The following LTBP4 variants were observed in gnomAD, a reference collection of about 807,000 sequenced individuals.
The protein encoded by LTBP4 is latent-transforming growth factor beta-binding protein 4.
LTBP4 carries 93 observed loss-of-function variants against 180.2 expected under a neutral mutation model. The observed-to-expected ratio is 0.52, with a 90% CI of 0.44 to 0.61. The LOEUF is 0.61. LTBP4 is among the 20% of genes least tolerant of loss of function. LTBP4 has a pLI of 0.00. For synonymous variants in LTBP4, 947 were observed against 934.5 expected (o/e 1.01, Z -0.24); for missense variants, 2,116 against 2,256.5 (o/e 0.94, Z 1.26).
rs764831513 is a variant in LTBP4 at position 40,623,698 on chromosome 19, C to T, written c.3651C>T (p.Gly1217=). ...GCTACTCATGCTATTGCAGCAACGGCTACTACTACCACACACAGCGGCTGG... is the reference window on the plus strand; with the variant it reads ...GCTACTCATGCTATTGCAGCAACGGTTACTACTACCACACACAGCGGCTGG... ...APGYSCYCSN[G]YYYHTQRLEC... The change falls in exon 25 of 30, where the codon GGC becomes GGT. Residue 1217 remains glycine, a synonymous_variant. Coordinates refer to ENST00000396819, the MANE Select transcript of LTBP4 (RefSeq NM_001042545.2). The T allele has an allele frequency of 2.0e-5, 33 of 1,613,834 alleles. No individual in the cohort carries two copies. The highest frequency in any genetic ancestry group is 2.7e-5 in the Non-Finnish European group (32 of 1,179,892).
chr19:40,611,177 A>T lies in LTBP4; in HGVS notation c.1836A>T (p.Pro612=). 6.2e-7 allele frequency: 1 copy of T among 1,613,378 alleles called. No homozygotes were observed. Among genetic ancestry groups the T allele is most frequent in the South Asian group, 1.1e-5 (1 of 91,040 alleles). ...ATGTGGATGAATGCACCCAGAGCCC[A>T]GGCCTGTGTGGCCGAGGGGCCTGCA... ...CQDVDECTQS[P]GLCGRGACKN... Residue 612 remains proline, a synonymous_variant, in exon 13 of 30, where the codon CCA becomes CCT. Coordinates refer to ENST00000396819, the MANE Select transcript of LTBP4 (RefSeq NM_001042545.2). This position sits in a 1 kb window ranked among gnomAD's most constrained non-coding sequence, Gnocchi z 4.4.
At chr19:40,600,693 C>A (rs1453451202), upstream of LTBP4, among the ~76,000 whole-genome samples, 3 of 152,108 alleles carry the variant, frequency 2.0e-5, no homozygotes, top group East Asian at 5.8e-4. The surrounding 1 kb of genome is among the most constrained non-coding windows in gnomAD (Gnocchi z 4.4). Context: ...AGATGTGACC[C>A]CTCCCCCTAA....
Position 40,605,701 on chromosome 19 carries a change from G to A in LTBP4, c.691-28G>A. 1 of 1,547,432 alleles carries A rather than the reference G, an allele frequency of 6.5e-7. No individual in the cohort carries two copies. Among genetic ancestry groups the A allele is most frequent in the Non-Finnish European group, 8.7e-7 (1 of 1,146,264 alleles). On this transcript the variant is annotated intron_variant, in intron 3 of 29. Transcript: ENST00000396819. This position sits in a 1 kb window ranked among gnomAD's most constrained non-coding sequence, Gnocchi z 5.5. ...GGCCCGGAGCTTGCCTCCGCGCGGG[G>A]GCGCGCTCACCCAACACTTCCCCGC...
At chr19:40,600,530 T>G (rs995796464), upstream of LTBP4, among the ~76,000 whole-genome samples, 2 of 152,200 alleles carry the variant, frequency 1.3e-5, no homozygotes, top group African/African-American at 2.4e-5. This position sits in a 1 kb window ranked among gnomAD's most constrained non-coding sequence, Gnocchi z 4.4. Flanking sequence ...CACCAAATGC[T>G]CAAGATTGTG....
At chr19:40,621,893 ATG>A (rs1568412271) in intron 22 of LTBP4, among the ~76,000 whole-genome samples, 1 of 152,098 alleles carries the variant, frequency 6.6e-6, no homozygotes, top group East Asian at 1.9e-4. Context: ...GATTACAGGC[ATG>A]CGCCACCACA....
chr19:40,629,748 C>T lies in LTBP4; in HGVS notation c.*198C>T, dbSNP rs2146057082. ...TCCCACTGATGTCGTGGTCCCGGGCCTGGCCCAGGGGCCCCTTTACATGCC... is the reference window on the plus strand; with the variant it reads ...TCCCACTGATGTCGTGGTCCCGGGCTTGGCCCAGGGGCCCCTTTACATGCC... On this transcript the variant is annotated 3_prime_UTR_variant, in exon 30 of 30. Coordinates refer to ENST00000396819, the MANE Select transcript of LTBP4 (RefSeq NM_001042545.2). This position sits in a 1 kb window ranked among gnomAD's most constrained non-coding sequence, Gnocchi z 4.5. The T allele has an allele frequency of 2.2e-6, 1 of 454,312 alleles. No individual in the cohort carries two copies. The highest frequency in any genetic ancestry group is 3.5e-6 in the Non-Finnish European group (1 of 286,524). The allele number at this position is 454,312 out of a possible 1,614,324, so 28.1% of individuals were successfully genotyped here. A position where few individuals can be genotyped will look rare whatever the true frequency, so the allele number is the denominator to read the frequency against.
upstream of LTBP4, among the ~76,000 whole-genome samples, chr19:40,596,511 C>G (rs1389362089): frequency 6.8e-6 from 1 of 147,066 alleles, no homozygotes; most frequent in African/African-American, 2.6e-5. Context: ...CCAGGAGCAC[C>G]CTGGGAGCAG....
chr19:40,619,000 T>G (rs1455369258), intron 21 of LTBP4, among the ~76,000 whole-genome samples: 1 of 151,864 alleles, frequency 6.6e-6, no homozygotes, highest in Non-Finnish European at 1.5e-5. Context: ...AAAGGGAGGT[T>G]TTTTTTTCAA....
rs113473882 is a variant in LTBP4, at chr19:40,618,250, T to C, written c.3070+1025T>C. The stretch of plus-strand genomic sequence containing the variant: ...GCCCAGCTAATGTTTTTAATTTTTG[T>C]AGAGATGAGTTTTTTTTTTTTTTTT... On this transcript the variant is annotated intron_variant, in intron 21 of 29. Coordinates refer to ENST00000396819, the MANE Select transcript of LTBP4 (RefSeq NM_001042545.2). Among the ~76,000 whole-genome samples the C allele has an allele frequency of 6.5e-3, 990 of 151,426 alleles. 10 individuals carry two copies. Among genetic ancestry groups the C allele is most frequent in the Non-Finnish European group, 9.5e-3 (645 of 67,864 alleles).
intron 18 of LTBP4, 87 bp from the exon 19 acceptor site, chr19:40,614,228 C>G: frequency 6.6e-7 from 1 of 1,522,946 alleles, no homozygotes; most frequent in Admixed American, 1.7e-5. Flanking sequence ...TCCCCGGCCT[C>G]CCCCTTCTGA....
At chr19:40,612,317 TG>T in intron 15 of LTBP4, 125 bp downstream of exon 15, 2 of 1,294,756 alleles carry the variant, frequency 1.5e-6, no homozygotes, top group Non-Finnish European at 2.1e-6. Context: ...CCCCAGAGCC[TG>T]TGACTCCTGA....
At chr19:40,599,475 G>A (rs751975964), upstream of LTBP4, 2 of 1,613,720 alleles carry the variant, frequency 1.2e-6, no homozygotes, top group Middle Eastern at 1.6e-4. Flanking sequence ...CCCCAGCGGT[G>A]CCTGAACCCA....
In LTBP4 at chr19:40,607,535, C is replaced by A. The variant is rs1183318560; in HGVS notation, c.1156+6C>A. 1.2e-6 allele frequency: 2 copies of A among 1,604,910 alleles called. No homozygotes were observed. Among genetic ancestry groups the A allele is most frequent in the South Asian group, 1.1e-5 (1 of 89,848 alleles). The stretch of plus-strand genomic sequence containing the variant: ...CTGCCCACCCTTCGGCTCAGGTGAG[C>A]CCCTGCGGCAGTGCCTAGCCCTACG... On this transcript the variant is annotated splice_donor_region_variant and intron_variant, in intron 7 of 29. Transcript: ENST00000396819.
At chr19:40,614,235 C>A in intron 18 of LTBP4, 80 bp from the exon 19 acceptor site, 3 of 1,540,266 alleles carry the variant, frequency 1.9e-6, no homozygotes, top group Non-Finnish European at 2.6e-6. Flanking sequence ...CCTCCCCCTT[C>A]TGACTCTCCT....
At position 40,608,530 on chromosome 19, in the gene LTBP4, C is replaced by T. The variant is rs767648001; in HGVS notation, c.1353C>T (p.Pro451=). The part of the protein sequence containing the change: ...HRLEPRPEPR[P]DPRPGPELPL... ...TGGAGCCCCGGCCTGAACCCCGGCC[C>T]GATCCCCGGCCCGGCCCTGAGCTTC... The change falls in exon 9 of 30, where the codon CCC becomes CCT. Residue 451 remains proline, a synonymous_variant. Coordinates refer to ENST00000396819, the MANE Select transcript of LTBP4 (RefSeq NM_001042545.2). 8.7e-6 allele frequency: 14 copies of T among 1,605,358 alleles called. No individual in the cohort carries two copies. The highest frequency in any genetic ancestry group is 5.7e-5 in the South Asian group (5 of 88,270).
At chr19:40,597,927 G>C (rs1000643091), upstream of LTBP4, among the ~76,000 whole-genome samples, 2 of 152,020 alleles carry the variant, frequency 1.3e-5, no homozygotes, top group Non-Finnish European at 1.5e-5. Context: ...GGGGTCGGGT[G>C]GGGGAGTCCT....
intron 22 of LTBP4, among the ~76,000 whole-genome samples, chr19:40,621,131 C>T (rs62107913): frequency 0.2 from 29,770 of 151,976 alleles, 3,070 homozygotes; most frequent in South Asian, 0.28. Flanking sequence ...TTAGTACAGA[C>T]GGGGTTTCAT....
rs190277382 is a variant in LTBP4 at position 40,627,149 on chromosome 19, C to A, written c.4160C>A (p.Pro1387Gln). The A allele has an allele frequency of 7.4e-5, 119 of 1,613,394 alleles. No homozygotes were observed. The African/African-American group carries it at 1.4e-3, about 18-fold the overall frequency. Residue 1387 changes from proline to glutamine, a missense_variant, in exon 28 of 30, where the codon CCG becomes CAG. By Grantham distance (76) the Pro-to-Gln change is moderately conservative. This residue lies in a region of LTBP4 where 488 missense variants were observed against 458.8 expected (regional missense o/e 1.06). Coordinates refer to ENST00000396819, the MANE Select transcript of LTBP4 (RefSeq NM_001042545.2). ...GCGCTACCCTACGACCCCTACCCACCGCCACCTGGGCCCTTCGCCCGCCGG... is the reference window on the plus strand; with the variant it reads ...GCGCTACCCTACGACCCCTACCCACAGCCACCTGGGCCCTTCGCCCGCCGG... Reference protein sequence around the residue: ...PPALPYDPYPPPPGPFARREA... With the variant: ...PPALPYDPYPQPPGPFARREA...
Position 40,613,648 on chromosome 19 carries a change from A to G in LTBP4, c.2557+119A>G. 1 of 1,470,178 alleles carries G rather than the reference A, an allele frequency of 6.8e-7. No individual in the cohort carries two copies. Among genetic ancestry groups the G allele is most frequent in the Non-Finnish European group, 9.2e-7 (1 of 1,088,318 alleles). The allele number at this position is 1,470,178 out of a possible 1,614,324, so 91.1% of individuals were successfully genotyped here. A position where few individuals can be genotyped will look rare whatever the true frequency, so the allele number is the denominator to read the frequency against. On this transcript the variant is annotated intron_variant, in intron 17 of 29. Coordinates refer to ENST00000396819, the MANE Select transcript of LTBP4 (RefSeq NM_001042545.2). This position sits in a 1 kb window ranked among gnomAD's most constrained non-coding sequence, Gnocchi z 5.0. The stretch of plus-strand genomic sequence containing the variant: ...TTTTTAGCCGGGGTATTCCAGCAGG[A>G]TCAGGGGGCAGCTGGTGGGAGTCTC...
Sources: allele counts gnomAD v4.1 joint callset (sites outside exome capture counted in the v4.1 genomes callset), GRCh38; gene constraint gnomAD v4.1.1; regional missense constraint gnomAD v4.1.1; non-coding constraint Gnocchi (gnomAD v3.1); transcripts MANE v1.5; gene names NCBI Gene and HGNC (gene_info 2026-07-23, HGNC 2026-07-21).